The following CIZ1 variants were observed in gnomAD, a reference collection of about 807,000 sequenced individuals.
The protein encoded by CIZ1 is cip1-interacting zinc finger protein.
In CIZ1, 58 loss-of-function variants were observed where a neutral mutation model predicts 118.6. That is an observed-to-expected ratio of 0.49 (90% CI 0.40 to 0.61). The LOEUF (loss-of-function observed/expected upper bound fraction) is 0.61, where lower values mean the gene tolerates loss of function less well. CIZ1 is among the 20% of genes least tolerant of loss of function. CIZ1 has a pLI of 0.00. For synonymous variants in CIZ1, 448 were observed against 443.4 expected (o/e 1.01, Z -0.13); for missense variants, 921 against 1,115.9 (o/e 0.83, Z 2.49).
intron 11 of CIZ1, among the ~76,000 whole-genome samples, chr9:128,174,016 C>CG (rs1554754798): frequency 1.6e-3 from 115 of 73,284 alleles, no homozygotes; most frequent in African/African-American, 4.1e-3. Context: ...AAAAACAAAA[C>CG]AAAAAAACAA....
chr9:128,202,999 C>T (rs1158360414), intron 1 of CIZ1: 1 of 152,132 alleles, frequency 6.6e-6, no homozygotes, highest in Non-Finnish European at 1.5e-5. Context: ...GGATAGAAGC[C>T]AGCGAGATGA....
At position 128,176,348 on chromosome 9, in the gene CIZ1, C is replaced by T. The variant is rs754692228; in HGVS notation, c.1943+3G>A. Reference sequence around the variant, plus strand: ...CACAGAGCTTCCACGATCCCCCACTCACTCATCCTCTGTCTCCAGGACGTC... The same window carrying T: ...CACAGAGCTTCCACGATCCCCCACTTACTCATCCTCTGTCTCCAGGACGTC... On this transcript the variant is annotated splice_donor_region_variant and intron_variant, in intron 11 of 16. Coordinates refer to ENST00000372938, the MANE Select transcript of CIZ1 (RefSeq NM_001131016.2). The T allele has an allele frequency of 6.2e-7, 1 of 1,613,728 alleles. No homozygotes were observed. Among genetic ancestry groups the T allele is most frequent in the East Asian group, 2.2e-5 (1 of 44,866 alleles).
At position 128,166,088 on chromosome 9, in the gene CIZ1, T is replaced by C; in HGVS notation, c.*109A>G. On this transcript the variant is annotated 3_prime_UTR_variant, in exon 17 of 17. Transcript: ENST00000372938. The surrounding 1 kb of genome is among the most constrained non-coding windows in gnomAD (Gnocchi z 4.4). ...ACTGCACAGCCAAACTACCTTGTTTTATTGGATTTTGAGTAAAAACATGAA... is the reference window on the plus strand; with the variant it reads ...ACTGCACAGCCAAACTACCTTGTTTCATTGGATTTTGAGTAAAAACATGAA... 1.2e-6 allele frequency: 1 copy of C among 807,818 alleles called. No individual in the cohort carries two copies. Among genetic ancestry groups the C allele is most frequent in the Non-Finnish European group, 1.8e-6 (1 of 548,234 alleles). 50.0% of individuals were successfully genotyped at this position (807,818 alleles called of 1,614,324 possible).
chr9:128,167,243 A>C, intron 14 of CIZ1, 79 bp from the exon 15 acceptor site: 1 of 1,076,810 alleles, frequency 9.3e-7, no homozygotes, highest in Non-Finnish European at 1.3e-6. Flanking sequence ...CCTAGAGACC[A>C]CCAATGCCCT....
chr9:128,187,240 T>C (rs1832495380), intron 4 of CIZ1, among the ~76,000 whole-genome samples: 1 of 152,174 alleles, frequency 6.6e-6, no homozygotes, highest in Non-Finnish European at 1.5e-5. Context: ...CACATCCAGC[T>C]CCTTATCTGC....
chr9:128,199,938 G>C (rs1365277795), intron 1 of CIZ1: 1 of 151,754 alleles, frequency 6.6e-6, no homozygotes, highest in Non-Finnish European at 1.5e-5. Context: ...ACAGGTGCGG[G>C]CTACCATGCC....
intron 12 of CIZ1, 196 bp downstream of exon 12, chr9:128,169,824 C>G: frequency 1.8e-6 from 2 of 1,114,132 alleles, no homozygotes. Context: ...TGAGATGGGG[C>G]CTGGCCTACA....
In CIZ1 at chr9:128,179,004, C is replaced by T; in HGVS notation, c.1203G>A (p.Lys401=). The T allele has an allele frequency of 6.2e-7, 1 of 1,611,954 alleles. No individual in the cohort carries two copies. Among genetic ancestry groups the T allele is most frequent in the Non-Finnish European group, 8.5e-7 (1 of 1,178,984 alleles). The change falls in exon 8 of 17, where the codon AAG becomes AAA. Residue 401 remains lysine (K), a synonymous_variant. Transcript: ENST00000372938. ...VQLQQEAEPL[K]QVQPQVQPQA... is the part of the protein sequence containing the mutation. The stretch of plus-strand genomic sequence containing the variant: ...GGGGCTGCACCTGTGGCTGCACCTG[C>T]TTCAGCGGCTCTGCCTCCTGCTGCA...
In CIZ1 at chr9:128,177,642, G is replaced by A. The variant is rs757083401; in HGVS notation, c.1742C>T (p.Ala581Val). ...RPSDSVSSTP[A>V]ATSTPSKQAL... Reference sequence around the variant, plus strand: ...CTGCTTAGAGGGAGTGCTGGTAGCCGCAGGGGTGGAGGAGACGGAGTCACT... The same window carrying A: ...CTGCTTAGAGGGAGTGCTGGTAGCCACAGGGGTGGAGGAGACGGAGTCACT... Residue 581 changes from alanine to valine, a missense_variant, in exon 10 of 17, where the codon GCG becomes GTG. Transcript: ENST00000372938. The A allele has an allele frequency of 1.5e-5, 24 of 1,583,416 alleles. No individual in the cohort carries two copies. Among genetic ancestry groups the A allele is most frequent in the Admixed American group, 7.2e-5 (4 of 55,256 alleles).
chr9:128,187,746 T>C (rs1447762883), intron 4 of CIZ1, 117 bp downstream of exon 4: 1 of 336,998 alleles, frequency 3.0e-6, no homozygotes, highest in Non-Finnish European at 5.4e-6. Context: ...TATAAAATGT[T>C]CAATTGCACT....
At chr9:128,185,944 C>T (rs926540971) in intron 4 of CIZ1, among the ~76,000 whole-genome samples, 168 bp from the exon 5 acceptor site, 1 of 152,148 alleles carries the variant, frequency 6.6e-6, no homozygotes, top group African/African-American at 2.4e-5. Flanking sequence ...GGCTCAGCCC[C>T]ATCTTGGGCA....
Position 128,167,146 on chromosome 9 carries a change from A to G in CIZ1, c.2314T>C (p.Ser772Pro), listed in dbSNP as rs201027257. ...LCKQVRSRDI[S>P]REEWKGSETY... ...TCCGAGCCCTTCCACTCCTCTCTGG[A>G]TATATCTCTGGACCTCACCTGAAAA... The change falls in exon 15 of 17, where the codon TCC becomes CCC. Residue 772 changes from serine to proline, a missense_variant. Ser to Pro is a moderately conservative substitution (Grantham distance 74). Coordinates refer to ENST00000372938, the MANE Select transcript of CIZ1 (RefSeq NM_001131016.2). 53 of 1,598,186 alleles carry G rather than the reference A, an allele frequency of 3.3e-5. No homozygotes were observed. Among genetic ancestry groups the G allele is most frequent in the Non-Finnish European group, 4.3e-5 (50 of 1,172,450 alleles).
At chr9:128,180,887 G>A in intron 5 of CIZ1, 73 bp from the exon 6 acceptor site, 2 of 1,117,962 alleles carry the variant, frequency 1.8e-6, no homozygotes, top group Non-Finnish European at 2.7e-6. Context: ...AAGGGCAGCT[G>A]CCCCCCATCC....
chr9:128,183,508 C>T (rs34685014), intron 5 of CIZ1, among the ~76,000 whole-genome samples: 1 of 152,010 alleles, frequency 6.6e-6, no homozygotes, highest in South Asian at 2.1e-4. Context: ...GGGGGCATTG[C>T]CCCTGCGCTG....
chr9:128,187,963 T>C (rs1479093093), intron 3 of CIZ1, 29 bp from the exon 4 acceptor site: 14 of 650,536 alleles, frequency 2.2e-5, no homozygotes, highest in Non-Finnish European at 4.0e-5. Context: ...GCAATACTTA[T>C]CAAGAGCCAT....
At position 128,166,190 on chromosome 9, in the gene CIZ1, C is replaced by T. The variant is rs932214542; in HGVS notation, c.*7G>A. On this transcript the variant is annotated 3_prime_UTR_variant, in exon 17 of 17. Coordinates refer to ENST00000372938, the MANE Select transcript of CIZ1 (RefSeq NM_001131016.2). The surrounding 1 kb of genome is among the most constrained non-coding windows in gnomAD (Gnocchi z 4.4). ...CCAGGCAGGCCAGGGACAGGGAGGT[C>T]CCTCTATCAGGTTTTGAGGCGGGTT... The T allele has an allele frequency of 5.4e-6, 8 of 1,469,342 alleles. No homozygotes were observed. The African/African-American group carries it at 9.8e-5, about 18-fold the overall frequency. 91.0% of individuals were successfully genotyped at this position (1,469,342 alleles called of 1,614,324 possible).
chr9:128,191,161 C>CCTCAGA lies in CIZ1; in HGVS notation c.-6+270_-6+271insTCTGAG. On this transcript the variant is annotated intron_variant, in intron 1 of 16. Transcript: ENST00000372938. This position sits in a 1 kb window ranked among gnomAD's most constrained non-coding sequence, Gnocchi z 5.5. Reference sequence around the variant, plus strand: ...ATTTCTGGCGGCTCCATCCTCCCACCCTCAGCCTCAGCCTCTCTCTGCGCC... The same window carrying CCTCAGA: ...ATTTCTGGCGGCTCCATCCTCCCACCCTCAGACTCAGCCTCAGCCTCTCTCTGCGCC... 2 of 486,394 alleles carry CCTCAGA rather than the reference C, an allele frequency of 4.1e-6. No individual in the cohort carries two copies. The highest frequency in any genetic ancestry group is 7.3e-6 in the Non-Finnish European group (2 of 274,742). 30.1% of individuals were successfully genotyped at this position (486,394 alleles called of 1,614,324 possible). A position where few individuals can be genotyped will look rare whatever the true frequency, so the allele number is the denominator to read the frequency against.
chr9:128,175,928 G>T (rs954125525), intron 11 of CIZ1, among the ~76,000 whole-genome samples: 4 of 152,108 alleles, frequency 2.6e-5, no homozygotes, highest in African/African-American at 9.7e-5. Context: ...CCCCAGGAGG[G>T]CTGAAGTTTC....
Position 128,166,182 on chromosome 9 carries a change from A to T in CIZ1, c.*15T>A. 1 of 1,451,944 alleles carries T rather than the reference A, an allele frequency of 6.9e-7. No individual in the cohort carries two copies. The highest frequency in any genetic ancestry group is 9.1e-7 in the Non-Finnish European group (1 of 1,093,334). 89.9% of individuals were successfully genotyped at this position (1,451,944 alleles called of 1,614,324 possible). ...ATCTGGACCCAGGCAGGCCAGGGAC[A>T]GGGAGGTCCCTCTATCAGGTTTTGA... On this transcript the variant is annotated 3_prime_UTR_variant, in exon 17 of 17. Transcript: ENST00000372938. This position sits in a 1 kb window ranked among gnomAD's most constrained non-coding sequence, Gnocchi z 4.4.
Sources: allele counts gnomAD v4.1 joint callset (sites outside exome capture counted in the v4.1 genomes callset), GRCh38; gene constraint gnomAD v4.1.1; non-coding constraint Gnocchi (gnomAD v3.1); transcripts MANE v1.5; gene names NCBI Gene and HGNC (gene_info 2026-07-23, HGNC 2026-07-21).